ACOT7: variants seen among roughly 807,000 people sequenced by gnomAD.
ACOT7 encodes the protein acyl-CoA thioesterase 7, also known as cytosolic acyl coenzyme A thioester hydrolase.
Under a neutral mutation model 40.2 loss-of-function variants are expected in ACOT7, and 12 were observed. The ratio of observed to expected loss-of-function variants is 0.30; its 90% confidence interval spans 0.19 to 0.48. The LOEUF is 0.48. Ranked by LOEUF, ACOT7 falls within the 20% of genes least tolerant of loss-of-function variation. The pLI, the probability that ACOT7 is intolerant of heterozygous loss-of-function variation, is 0.99. For missense variants in ACOT7, 395 were observed against 530.8 expected, an observed-to-expected ratio of 0.74 and a Z score of 2.51; for synonymous variants, 228 against 219.5, an observed-to-expected ratio of 1.04 and a Z score of -0.34.
At chr1:6,320,142 T>C (rs1015725636) in intron 5 of ACOT7, among the ~76,000 whole-genome samples, 3 of 152,210 alleles carry the variant, frequency 2.0e-5, no homozygotes, top group Non-Finnish European at 4.4e-5. Flanking sequence ...GAACCAGAGA[T>C]GGTGAAAGCA....
At chr1:6,360,443 G>A (rs1442525144) in intron 1 of ACOT7, 17 of 1,316,416 alleles carry the variant, frequency 1.3e-5, no homozygotes, top group Non-Finnish European at 1.4e-5. Flanking sequence ...CTGAGTAGCC[G>A]GCATCCCAGG....
chr1:6,385,387 A>T, intron 1 of ACOT7: 1 of 1,371,694 alleles, frequency 7.3e-7, no homozygotes, highest in Non-Finnish European at 1.0e-6. Flanking sequence ...ACCCGACCCT[A>T]CTACCCTCCC....
chr1:6,306,087 G>A lies in ACOT7; in HGVS notation c.713-11107C>T, dbSNP rs947663157. The A allele has an allele frequency of 2.1e-3, 638 of 309,072 alleles. No individual in the cohort carries two copies. Among genetic ancestry groups the A allele is most frequent in the Non-Finnish European group, 2.5e-3 (524 of 212,698 alleles). The allele number at this position is 309,072 out of a possible 1,614,324, so 19.1% of individuals were successfully genotyped here. A position where few individuals can be genotyped will look rare whatever the true frequency, so the allele number is the denominator to read the frequency against. On this transcript the variant is annotated intron_variant, in intron 6 of 8. Coordinates refer to ENST00000361521, the MANE Select transcript of ACOT7 (RefSeq NM_007274.4). This position sits in a 1 kb window ranked among gnomAD's most constrained non-coding sequence, Gnocchi z 4.3. ...GCCTGCAATCGCAGGCACTCGGCAG[G>A]CTGAGGCAGGAGAATCAGGCAGGGA... is the stretch of plus-strand genomic sequence containing the variant.
chr1:6,332,372 G>A (rs1398368442), intron 4 of ACOT7, among the ~76,000 whole-genome samples: 5 of 152,192 alleles, frequency 3.3e-5, no homozygotes, highest in African/African-American at 1.2e-4. Context: ...CACAGGAGAA[G>A]GAGGCGAGGG....
At chr1:6,326,103 T>A (rs888658477) in intron 5 of ACOT7, among the ~76,000 whole-genome samples, 32 of 152,094 alleles carry the variant, frequency 2.1e-4, no homozygotes, top group African/African-American at 7.7e-4. Context: ...CCGCATGAGG[T>A]ACCCTGTGGA....
chr1:6,281,531 T>G (rs1399465681), intron 7 of ACOT7, among the ~76,000 whole-genome samples: 2 of 152,300 alleles, frequency 1.3e-5, no homozygotes, highest in East Asian at 3.9e-4. Context: ...GGCCATGAGT[T>G]CAAGCCCCCG....
chr1:6,306,510 C>G lies in ACOT7; in HGVS notation c.713-11530G>C, dbSNP rs934949282. ...CACCAGTCCCCACGTCCCGCTCCCC[C>G]GCTGAAGCATCAGGATGGACGTGAA... is the stretch of plus-strand genomic sequence containing the variant. On this transcript the variant is annotated intron_variant, in intron 6 of 8. Coordinates refer to ENST00000361521, the MANE Select transcript of ACOT7 (RefSeq NM_007274.4). The surrounding 1 kb of genome is among the most constrained non-coding windows in gnomAD (Gnocchi z 4.3). 3.7e-5 allele frequency: 36 copies of G among 985,236 alleles called. No homozygotes were observed. The highest frequency in any genetic ancestry group is 4.3e-5 in the Non-Finnish European group (36 of 829,932). The allele number at this position is 985,236 out of a possible 1,614,324, so 61.0% of individuals were successfully genotyped here.
At chr1:6,343,143 G>A (rs955336799) in intron 2 of ACOT7, among the ~76,000 whole-genome samples, 1 of 152,190 alleles carries the variant, frequency 6.6e-6, no homozygotes, top group African/African-American at 2.4e-5. Flanking sequence ...ACAGCACCCC[G>A]ACAAGGGGTG....
intron 8 of ACOT7, among the ~76,000 whole-genome samples, chr1:6,269,787 G>A (rs1425763144): frequency 6.6e-6 from 1 of 152,266 alleles, no homozygotes. Flanking sequence ...TCCCGGGATG[G>A]TAGTATCTGC....
At chr1:6,368,650 C>A (rs1012047412) in intron 1 of ACOT7, among the ~76,000 whole-genome samples, 2 of 152,216 alleles carry the variant, frequency 1.3e-5, no homozygotes, top group Non-Finnish European at 2.9e-5. Flanking sequence ...TTCCTCTGCA[C>A]ACCCCTCCCC....
chr1:6,342,868 T>C (rs1641312922), intron 2 of ACOT7, among the ~76,000 whole-genome samples: 1 of 152,192 alleles, frequency 6.6e-6, no homozygotes, highest in Non-Finnish European at 1.5e-5. Context: ...CTTTGCCACC[T>C]CACGGCATCC....
intron 7 of ACOT7, among the ~76,000 whole-genome samples, chr1:6,283,348 G>A (rs1285178545): frequency 6.6e-6 from 1 of 152,184 alleles, no homozygotes; most frequent in African/African-American, 2.4e-5. Context: ...CTTTTGTAGA[G>A]ATGAGGTTTT....
In ACOT7 at chr1:6,289,455, G is replaced by A. The variant is rs1026430246; in HGVS notation, c.829+5409C>T. 5.9e-5 allele frequency among the ~76,000 whole-genome samples: 9 copies of A among 152,080 alleles called. No individual in the cohort carries two copies. The highest frequency in any genetic ancestry group is 2.1e-4 in the South Asian group (1 of 4,824). On this transcript the variant is annotated intron_variant, in intron 7 of 8. Transcript: ENST00000361521. This position sits in a 1 kb window ranked among gnomAD's most constrained non-coding sequence, Gnocchi z 4.6. ...TCACTCTGTCACCCAGGCTGAGTGC[G>A]GCGGCACAATCACGGCTCACACTGC...
At chr1:6,268,540 CTG>C (rs1202547677) in intron 8 of ACOT7, among the ~76,000 whole-genome samples, 2 of 152,218 alleles carry the variant, frequency 1.3e-5, no homozygotes, top group African/African-American at 4.8e-5. Context: ...GCGGGCAGAG[CTG>C]AGGGAGCCGT....
Position 6,282,512 on chromosome 1 carries a change from T to A in ACOT7, c.830-1226A>T, listed in dbSNP as rs1468920729. ...TGGGACTTGCTCCCCAGGAAATATA[T>A]CTGGCTTCGGGGACTTTTTAATGTG... On this transcript the variant is annotated intron_variant, in intron 7 of 8. Transcript: ENST00000361521. The surrounding 1 kb of genome is among the most constrained non-coding windows in gnomAD (Gnocchi z 4.5). Among the ~76,000 whole-genome samples the A allele has an allele frequency of 6.6e-6, 1 of 151,976 alleles. No homozygotes were observed. The highest frequency in any genetic ancestry group is 2.4e-5 in the African/African-American group (1 of 41,370).
chr1:6,307,096 A>G (rs1359490098), intron 6 of ACOT7, among the ~76,000 whole-genome samples: 1 of 152,154 alleles, frequency 6.6e-6, no homozygotes, highest in Non-Finnish European at 1.5e-5. Context: ...AGACACCTGC[A>G]TGGATGTTTG....
Position 6,299,011 on chromosome 1 carries a change from C to T in ACOT7, c.713-4031G>A, listed in dbSNP as rs1411989357. Among the ~76,000 whole-genome samples the T allele has an allele frequency of 6.6e-6, 1 of 152,208 alleles. No homozygotes were observed. Among genetic ancestry groups the T allele is most frequent in the Non-Finnish European group, 1.5e-5 (1 of 68,036 alleles). On this transcript the variant is annotated intron_variant, in intron 6 of 8. Transcript: ENST00000361521. This position sits in a 1 kb window ranked among gnomAD's most constrained non-coding sequence, Gnocchi z 4.1. ...TGAGGCCTGGTGCGAATCCCCCTGC[C>T]CCATCGCCCATGCCTGGAGGGGCTT...
chr1:6,372,363 C>T (rs886288966), intron 1 of ACOT7, among the ~76,000 whole-genome samples: 3 of 152,184 alleles, frequency 2.0e-5, no homozygotes, highest in African/African-American at 4.8e-5. Flanking sequence ...TCTTCTTCTC[C>T]GTTATCAGCA....
At chr1:6,356,002 G>A (rs943897766) in intron 1 of ACOT7, among the ~76,000 whole-genome samples, 1 of 152,202 alleles carries the variant, frequency 6.6e-6, no homozygotes, top group Non-Finnish European at 1.5e-5. Context: ...GTTGAATTGT[G>A]TCCCCCAAAA....
Sources: allele counts gnomAD v4.1 joint callset (sites outside exome capture counted in the v4.1 genomes callset), GRCh38; gene constraint gnomAD v4.1.1; non-coding constraint Gnocchi (gnomAD v3.1); transcripts MANE v1.5; gene names NCBI Gene and HGNC (gene_info 2026-07-23, HGNC 2026-07-21).